ABCB7: variants seen among roughly 807,000 people sequenced by gnomAD.
The protein encoded by ABCB7 is iron-sulfur clusters transporter ABCB7, mitochondrial.
In ABCB7, 7 loss-of-function variants were observed where a neutral mutation model predicts 54.4. The ratio of observed to expected loss-of-function variants is 0.13; its 90% confidence interval spans 0.07 to 0.24. The LOEUF is 0.24. ABCB7 is among the 10% of genes least tolerant of loss of function. The pLI is 1.00. For missense variants in ABCB7, 356 were observed against 570.4 expected, an observed-to-expected ratio of 0.62 and a Z score of 3.83; for synonymous variants, 218 against 207.1, an observed-to-expected ratio of 1.05 and a Z score of -0.45.
intron 1 of ABCB7, among the ~76,000 whole-genome samples, chrX:75,145,065 A>G (rs961019731): frequency 9.0e-6 from 1 of 110,817 alleles, no homozygotes; most frequent in African/African-American, 3.3e-5. Flanking sequence ...GAACAGACCA[A>G]TAATGAGTTC....
In ABCB7 at chrX:75,051,663, T is replaced by G. The variant is rs2081196987; in HGVS notation, c.*1707A>C. 3 of 112,524 alleles carry G rather than the reference T, an allele frequency of 2.7e-5. No homozygotes were observed. The East Asian group carries it at 8.3e-4, about 31-fold the overall frequency. 9.3% of individuals were successfully genotyped at this position (112,524 alleles called of 1,213,427 possible). On this transcript the variant is annotated 3_prime_UTR_variant, in exon 16 of 16. Coordinates refer to ENST00000373394, the MANE Select transcript of ABCB7 (RefSeq NM_001271696.3). ...GGGCTCCTCCTCGTTATGTCAGGCT[T>G]AAAGAAACTAATTAAATTACTGAAA...
intron 3 of ABCB7, among the ~76,000 whole-genome samples, chrX:75,105,558 A>G (rs181663858): frequency 6.2e-5 from 7 of 112,076 alleles, no homozygotes; most frequent in African/African-American, 2.3e-4. Flanking sequence ...GAAAGAATCA[A>G]TATGGTTAAA....
intron 3 of ABCB7, among the ~76,000 whole-genome samples, chrX:75,102,052 G>A (rs950185490): frequency 9.0e-6 from 1 of 111,324 alleles, no homozygotes; most frequent in African/African-American, 3.3e-5. Context: ...CCGAGGCACA[G>A]TTTTTATTGA....
chrX:75,133,372 CAG>C (rs1468185436), intron 1 of ABCB7, among the ~76,000 whole-genome samples: 1 of 111,809 alleles, frequency 8.9e-6, no homozygotes, highest in African/African-American at 3.3e-5. Context: ...CCCTGAAAGA[CAG>C]GGAGAGAAAG....
chrX:75,051,647 C>T lies in ABCB7; in HGVS notation c.*1723G>A, dbSNP rs1163947158. 1 of 112,042 alleles carries T rather than the reference C, an allele frequency of 8.9e-6. No homozygotes were observed. Among genetic ancestry groups the T allele is most frequent in the African/African-American group, 3.2e-5 (1 of 30,859 alleles). The allele number at this position is 112,042 out of a possible 1,213,427, so 9.2% of individuals were successfully genotyped here. A position where few individuals can be genotyped will look rare whatever the true frequency, so the allele number is the denominator to read the frequency against. Reference sequence around the variant, plus strand: ...CTTGATTATGTTGTTTGGGCTCCTCCTCGTTATGTCAGGCTTAAAGAAACT... The same window carrying T: ...CTTGATTATGTTGTTTGGGCTCCTCTTCGTTATGTCAGGCTTAAAGAAACT... On this transcript the variant is annotated 3_prime_UTR_variant, in exon 16 of 16. Transcript: ENST00000373394.
At position 75,069,304 on chromosome X, in the gene ABCB7, C is replaced by G; in HGVS notation, c.1516G>C (p.Gly506Arg). 1 of 1,211,451 alleles carries G rather than the reference C, an allele frequency of 8.3e-7. No individual in the cohort carries two copies. Among genetic ancestry groups the G allele is most frequent in the Non-Finnish European group, 1.1e-6 (1 of 895,352 alleles). The change falls in exon 11 of 16, where the codon GGT (glycine) becomes CGT (arginine). Residue 506 changes from glycine (G) to arginine (R), a missense_variant. By Grantham distance (125) the Gly-to-Arg change is moderately radical. This residue lies in a region of ABCB7 where 241 missense variants were observed against 470.9 expected (regional missense o/e 0.51). Transcript: ENST00000373394. ...TAAATTACCCACCCTGACCCACTAC[C>G]TCCTACAATGGCCACTTTCTTTCCT... ...PAGKKVAIVG[G>R]SGSGKSTIVR...
At chrX:75,121,109 C>T (rs1434090621) in intron 1 of ABCB7, among the ~76,000 whole-genome samples, 1 of 108,887 alleles carries the variant, frequency 9.2e-6, no homozygotes, top group African/African-American at 3.3e-5. Flanking sequence ...GCCAACATGA[C>T]GAAACCCCGT....
At chrX:75,122,968 C>T (rs1216695261) in intron 1 of ABCB7, among the ~76,000 whole-genome samples, 1 of 106,699 alleles carries the variant, frequency 9.4e-6, no homozygotes, top group African/African-American at 3.4e-5. Context: ...ATATTTTCTC[C>T]CATTCCATGG....
At chrX:75,077,462 C>T (rs776402960) in intron 4 of ABCB7, among the ~76,000 whole-genome samples, 2 of 112,443 alleles carry the variant, frequency 1.8e-5, no homozygotes, top group South Asian at 7.3e-4. Context: ...TCCAAAACAT[C>T]AACCATCATT....
chrX:75,067,878 A>G (rs1011562856), intron 12 of ABCB7, among the ~76,000 whole-genome samples: 2 of 111,279 alleles, frequency 1.8e-5, no homozygotes, highest in Non-Finnish European at 3.8e-5. Flanking sequence ...GGGCCCACAT[A>G]GTCCTCCAAA....
intron 3 of ABCB7, among the ~76,000 whole-genome samples, chrX:75,103,559 C>T (rs1602373931): frequency 9.0e-6 from 1 of 111,280 alleles, no homozygotes. Context: ...ATGTCTCTAG[C>T]TTTGTTCTTT....
At position 75,153,754 on chromosome X, in the gene ABCB7, G is replaced by GTATATATA. The variant is rs2082150995; in HGVS notation, c.168+2350_168+2351insTATATATA. Among the ~76,000 whole-genome samples the GTATATATA allele has an allele frequency of 4.9e-4, 5 of 10,309 alleles. No homozygotes were observed. In the Non-Finnish European group the frequency reaches 6.1e-3, roughly 13 times the overall value. The allele number at this position is 10,309 out of a possible 115,157, so 9.0% of individuals were successfully genotyped here. A position where few individuals can be genotyped will look rare whatever the true frequency, so the allele number is the denominator to read the frequency against. On this transcript the variant is annotated intron_variant, in intron 1 of 15. Coordinates refer to ENST00000373394, the MANE Select transcript of ABCB7 (RefSeq NM_001271696.3). ...TGTGTGTGTGTGTGTGTGCGTGTGT[G>GTATATATA]TGTGTGTATATATATATATAAAATA...
In ABCB7 at chrX:75,129,623, T is replaced by A. The variant is rs747121894; in HGVS notation, c.169-14792A>T. Among the ~76,000 whole-genome samples, 327 of 106,816 alleles carry A rather than the reference T, an allele frequency of 3.1e-3. 1 individual carries two copies. Among genetic ancestry groups the A allele is most frequent in the Non-Finnish European group, 5.2e-3 (272 of 52,076 alleles). The allele number at this position is 106,816 out of a possible 115,157, so 92.8% of individuals were successfully genotyped here. A position where few individuals can be genotyped will look rare whatever the true frequency, so the allele number is the denominator to read the frequency against. ...ATATATATAATATATATATATATAT[T>A]TTGACTACCTTCCCACCATCATCCA... On this transcript the variant is annotated intron_variant, in intron 1 of 15. Coordinates refer to ENST00000373394, the MANE Select transcript of ABCB7 (RefSeq NM_001271696.3).
At chrX:75,130,390 G>T (rs2081966113) in intron 1 of ABCB7, among the ~76,000 whole-genome samples, 1 of 112,058 alleles carries the variant, frequency 8.9e-6, no homozygotes, top group Non-Finnish European at 1.9e-5. Flanking sequence ...ACAACCAGGG[G>T]AGTGTATAAT....
chrX:75,056,622 C>T (rs747685979), intron 15 of ABCB7, among the ~76,000 whole-genome samples: 2 of 111,449 alleles, frequency 1.8e-5, no homozygotes, highest in Admixed American at 9.5e-5. Flanking sequence ...CAAGTATACC[C>T]ATTACTACTG....
intron 1 of ABCB7, among the ~76,000 whole-genome samples, chrX:75,142,584 G>A (rs1352378497): frequency 2.7e-5 from 3 of 111,843 alleles, no homozygotes; most frequent in Non-Finnish European, 5.6e-5. Flanking sequence ...TCCCCCCAAG[G>A]TGTTTTTAAA....
chrX:75,138,409 T>C (rs142664350), intron 1 of ABCB7, among the ~76,000 whole-genome samples: 1,727 of 112,361 alleles, frequency 0.015, 35 homozygotes, highest in African/African-American at 0.054. Flanking sequence ...CTGTATTTAA[T>C]GGGTTTTGTT....
intron 1 of ABCB7, among the ~76,000 whole-genome samples, chrX:75,151,092 A>C (rs185373525): frequency 1.8e-5 from 2 of 111,619 alleles, no homozygotes; most frequent in African/African-American, 6.5e-5. Context: ...TCTAGGGAGA[A>C]GGTCTATGGC....
At chrX:75,120,167 A>G (rs1284958636) in intron 1 of ABCB7, among the ~76,000 whole-genome samples, 2 of 112,433 alleles carry the variant, frequency 1.8e-5, no homozygotes, top group African/African-American at 3.2e-5. Flanking sequence ...TAAGCTATTT[A>G]CAGCTTGTAG....
Sources: allele counts gnomAD v4.1 joint callset (sites outside exome capture counted in the v4.1 genomes callset), GRCh38; gene constraint gnomAD v4.1.1; regional missense constraint gnomAD v4.1.1; transcripts MANE v1.5; gene names NCBI Gene and HGNC (gene_info 2026-07-23, HGNC 2026-07-21).